The following FXR1 variants were observed in gnomAD, a reference collection of about 807,000 sequenced individuals.
FXR1 encodes RNA-binding protein FXR1.
In FXR1, 15 loss-of-function variants were observed where a neutral mutation model predicts 84.0. The observed-to-expected ratio is 0.18, with a 90% CI of 0.12 to 0.27. The LOEUF (loss-of-function observed/expected upper bound fraction) is 0.27. Among genes scored for constraint, FXR1 ranks in the 10% least tolerant of loss-of-function variants. The pLI, the probability that FXR1 is intolerant of heterozygous loss-of-function variation, is 1.00. For synonymous variants in FXR1, 245 were observed against 250.7 expected, an observed-to-expected ratio of 0.98 and a Z score of 0.21; for missense variants, 480 against 774.4, an observed-to-expected ratio of 0.62 and a Z score of 4.51.
chr3:180,952,507 T>G (rs1576965377), intron 8 of FXR1, among the ~76,000 whole-genome samples: 1 of 151,954 alleles, frequency 6.6e-6, no homozygotes, highest in Middle Eastern at 3.4e-3. Context: ...CAGTGAGCTA[T>G]GATCATGCCA....
chr3:180,921,583 T>C (rs1004644001), intron 1 of FXR1, among the ~76,000 whole-genome samples: 4 of 152,196 alleles, frequency 2.6e-5, no homozygotes, highest in Non-Finnish European at 4.4e-5. Flanking sequence ...TTGGTACTTG[T>C]TGGAATCAAA....
Position 180,971,096 on chromosome 3 carries a change from A to T in FXR1, c.1603+738A>T, listed in dbSNP as rs557629304. Reference sequence around the variant, plus strand: ...ACAGATGATAGTGAAAAAAAACCCCAGCGACGCAATCGTAGCCGCAGGCGT... The same window carrying T: ...ACAGATGATAGTGAAAAAAAACCCCTGCGACGCAATCGTAGCCGCAGGCGT... On this transcript the variant is annotated intron_variant, in intron 15 of 16. Coordinates refer to ENST00000357559, the MANE Select transcript of FXR1 (RefSeq NM_005087.4). 44 of 1,260,146 alleles carry T rather than the reference A, an allele frequency of 3.5e-5. 1 individual carries two copies. In the South Asian group the frequency reaches 5.6e-4, roughly 16 times the overall value. The allele number at this position is 1,260,146 out of a possible 1,614,324, so 78.1% of individuals were successfully genotyped here. A position where few individuals can be genotyped will look rare whatever the true frequency, so the allele number is the denominator to read the frequency against.
intron 8 of FXR1, among the ~76,000 whole-genome samples, chr3:180,952,611 C>G (rs1722340260): frequency 1.3e-5 from 2 of 151,742 alleles, no homozygotes; most frequent in Admixed American, 1.3e-4. Context: ...GCTATACTGC[C>G]TGGATTGGAA....
chr3:180,949,633 C>T (rs554975710), intron 7 of FXR1, among the ~76,000 whole-genome samples: 1 of 152,344 alleles, frequency 6.6e-6, no homozygotes, highest in Admixed American at 6.5e-5. Context: ...GATTGCCCGC[C>T]TCAGCCTCTC....
At chr3:180,947,051 TTTTTA>T (rs1490863944) in intron 3 of FXR1, among the ~76,000 whole-genome samples, 2 of 152,002 alleles carry the variant, frequency 1.3e-5, no homozygotes, top group African/African-American at 2.4e-5. Context: ...TTGTGGATAG[TTTTTA>T]TTTTGTTTTT....
Position 180,918,060 on chromosome 3 carries a change from C to T in FXR1, c.51+5324C>T, listed in dbSNP as rs557466847. 2.6e-5 allele frequency among the ~76,000 whole-genome samples: 4 copies of T among 151,312 alleles called. No individual in the cohort carries two copies. The East Asian group carries it at 7.8e-4, about 29-fold the overall frequency. On this transcript the variant is annotated intron_variant, in intron 1 of 16. Transcript: ENST00000357559. ...TACGAAAAATATGAAAGCAGAAAAG[C>T]ACATCTTACCTATCTAGAGAGATAC...
intron 3 of FXR1, among the ~76,000 whole-genome samples, chr3:180,946,361 T>C (rs933724559): frequency 3.9e-5 from 6 of 152,170 alleles, no homozygotes; most frequent in African/African-American, 9.7e-5. Context: ...TTTCAAGATA[T>C]AGGAAAAATA....
intron 1 of FXR1, chr3:180,927,773 G>A (rs1003053340): frequency 1.4e-5 from 6 of 440,248 alleles, no homozygotes; most frequent in African/African-American, 1.2e-4. Flanking sequence ...ACAATTTAAA[G>A]GAGATTTGTA....
At chr3:180,957,544 A>T (rs532921524) in intron 9 of FXR1, 125 of 277,848 alleles carry the variant, frequency 4.5e-4, no homozygotes, top group Non-Finnish European at 7.8e-4. Context: ...TGATATAAGC[A>T]TATTTTAAAA....
intron 10 of FXR1, among the ~76,000 whole-genome samples, chr3:180,959,086 G>A (rs141719215): frequency 1.3e-5 from 2 of 151,924 alleles, no homozygotes; most frequent in African/African-American, 4.8e-5. Flanking sequence ...GATTACGGGC[G>A]TGAGCCACCG....
chr3:180,965,939 T>A (rs746929122), intron 13 of FXR1, among the ~76,000 whole-genome samples: 4 of 152,192 alleles, frequency 2.6e-5, no homozygotes, highest in Admixed American at 1.3e-4. Flanking sequence ...AGATAAATAC[T>A]ACACTGGATT....
intron 1 of FXR1, among the ~76,000 whole-genome samples, chr3:180,921,284 C>T (rs1718556969): frequency 6.6e-6 from 1 of 151,602 alleles, no homozygotes; most frequent in African/African-American, 2.4e-5. Context: ...AGGAGAATCC[C>T]TTGAACCCAG....
At chr3:180,920,665 C>G (rs577948554) in intron 1 of FXR1, among the ~76,000 whole-genome samples, 1 of 152,086 alleles carries the variant, frequency 6.6e-6, no homozygotes, top group African/African-American at 2.4e-5. Flanking sequence ...CCATGCACCA[C>G]CACGCCCGGC....
intron 1 of FXR1, among the ~76,000 whole-genome samples, chr3:180,929,446 T>C (rs1719625236): frequency 6.6e-6 from 1 of 152,212 alleles, no homozygotes; most frequent in Non-Finnish European, 1.5e-5. Context: ...AGTGACCATT[T>C]AATAAGGATG....
At chr3:180,933,230 T>A in intron 1 of FXR1, 104 bp from the exon 2 acceptor site, 14 of 684,924 alleles carry the variant, frequency 2.0e-5, no homozygotes, top group Non-Finnish European at 3.1e-5. Flanking sequence ...ATTCCAAACC[T>A]TGTGTTCTTT....
intron 2 of FXR1, among the ~76,000 whole-genome samples, chr3:180,934,071 G>A (rs1408328589): frequency 2.0e-5 from 3 of 152,122 alleles, no homozygotes; most frequent in African/African-American, 4.8e-5. Context: ...CTGAGACGGC[G>A]CCATTGCACT....
At chr3:180,974,057 A>T (rs1479186902) in intron 15 of FXR1, among the ~76,000 whole-genome samples, 1 of 152,180 alleles carries the variant, frequency 6.6e-6, no homozygotes, top group Non-Finnish European at 1.5e-5. Context: ...GTACTTTTAC[A>T]TATCAGGGAT....
rs1289994089 is a variant in FXR1 at position 180,926,504 on chromosome 3, A to ATTTTT, written c.52-6829_52-6828insTTTTT. ...TATATATATATATATATATATATATATATTTTTTTTTCTGGCCTTTTGTTG... is the reference window on the plus strand; with the variant it reads ...TATATATATATATATATATATATATATTTTTTATTTTTTTTTCTGGCCTTTTGTTG... On this transcript the variant is annotated intron_variant, in intron 1 of 16. Transcript: ENST00000357559. Among the ~76,000 whole-genome samples, 439 of 95,184 alleles carry ATTTTT rather than the reference A, an allele frequency of 4.6e-3. 2 individuals are homozygous for ATTTTT. Among genetic ancestry groups the ATTTTT allele is most frequent in the African/African-American group, 0.015 (405 of 26,552 alleles). 62.4% of individuals were successfully genotyped at this position (95,184 alleles called of 152,430 possible). A position where few individuals can be genotyped will look rare whatever the true frequency, so the allele number is the denominator to read the frequency against.
chr3:180,960,854 T>A (rs1013888580), intron 10 of FXR1, among the ~76,000 whole-genome samples: 12 of 152,134 alleles, frequency 7.9e-5, no homozygotes, highest in Non-Finnish European at 1.5e-4. Context: ...ACTGATTTTT[T>A]AAAATTATTT....
Sources: allele counts gnomAD v4.1 joint callset (sites outside exome capture counted in the v4.1 genomes callset), GRCh38; gene constraint gnomAD v4.1.1; transcripts MANE v1.5; gene names NCBI Gene and HGNC (gene_info 2026-07-23, HGNC 2026-07-21).